Variants in WWOX observed in about 807,000 individuals in gnomAD.
WWOX encodes WW domain-containing oxidoreductase.
Under a neutral mutation model 46.2 loss-of-function variants are expected in WWOX, and 69 were observed. That is an observed-to-expected ratio of 1.49 (90% CI 1.23 to 1.82). The LOEUF (loss-of-function observed/expected upper bound fraction) is 1.82, where lower values mean the gene tolerates loss of function less well. WWOX is among the 40% of genes most tolerant of loss of function. The pLI, the probability that WWOX is intolerant of heterozygous loss-of-function variation, is 0.00. For missense variants in WWOX, 919 were observed against 542.6 expected (o/e 1.69, Z -6.89); for synonymous variants, 359 against 202.6 (o/e 1.77, Z -6.56).
chr16:78,804,599 C>T (rs72801039), intron 8 of WWOX, among the ~76,000 whole-genome samples: 3,786 of 152,282 alleles, frequency 0.025, 67 homozygotes, highest in Middle Eastern at 0.041. Context: ...AGGTCTTACA[C>T]GTAGCTCAAA....
rs796900468 is a variant in WWOX at position 78,344,149 on chromosome 16, A to G, written c.517-42711A>G. The stretch of plus-strand genomic sequence containing the variant: ...AGGTGCGTAATTAGTGTTTCACCAG[A>G]CTGAGCATCATCCTCGGGCAGGTGC... On this transcript the variant is annotated intron_variant, in intron 5 of 8. Transcript: ENST00000566780. Among the ~76,000 whole-genome samples, 11 of 74,480 alleles carry G rather than the reference A, an allele frequency of 1.5e-4. 2 individuals carry two copies. The highest frequency in any genetic ancestry group is 4.4e-4 in the African/African-American group (10 of 22,696). The allele number at this position is 74,480 out of a possible 152,430, so 48.9% of individuals were successfully genotyped here. A position where few individuals can be genotyped will look rare whatever the true frequency, so the allele number is the denominator to read the frequency against.
rs371335113 is a variant in WWOX at position 78,865,858 on chromosome 16, G to A, written c.1057-345750G>A. ...TGCACCACCGCACTCCAGCCTGGGC[G>A]ATGAGTGAAACTCCGTCTCAAAAAA... On this transcript the variant is annotated intron_variant, in intron 8 of 8. Coordinates refer to ENST00000566780, the MANE Select transcript of WWOX (RefSeq NM_016373.4). Among the ~76,000 whole-genome samples, 23 of 152,292 alleles carry A rather than the reference G, an allele frequency of 1.5e-4. 1 individual carries two copies. Among genetic ancestry groups the A allele is most frequent in the African/African-American group, 3.8e-4 (16 of 41,568 alleles).
intron 8 of WWOX, among the ~76,000 whole-genome samples, chr16:78,920,282 C>G (rs1045891848): frequency 6.6e-6 from 1 of 152,192 alleles, no homozygotes; most frequent in African/African-American, 2.4e-5. Context: ...ACACAGTGAC[C>G]TGGTCACTCT....
chr16:78,669,219 C>T (rs1211041634), intron 8 of WWOX, among the ~76,000 whole-genome samples: 2 of 152,290 alleles, frequency 1.3e-5, no homozygotes, highest in East Asian at 3.9e-4. Flanking sequence ...AGGAGAAGCC[C>T]CAAAGAAGCT....
At chr16:78,360,646 TTTA>T (rs1567523983) in intron 5 of WWOX, among the ~76,000 whole-genome samples, 9 of 45,784 alleles carry the variant, frequency 2.0e-4, no homozygotes, top group African/African-American at 2.3e-4. Context: ...TTCTTGTAAT[TTTA>T]GCAGTTTACC....
intron 8 of WWOX, among the ~76,000 whole-genome samples, chr16:78,966,321 AAC>A (rs2046362559): frequency 6.6e-6 from 1 of 152,180 alleles, no homozygotes; most frequent in South Asian, 2.1e-4. Context: ...CCAAATGGAA[AAC>A]AGTGCTTCTT....
chr16:78,424,752 C>G (rs1368201336), intron 6 of WWOX, 118 bp from the exon 7 acceptor site: 1 of 1,136,164 alleles, frequency 8.8e-7, no homozygotes, highest in African/African-American at 1.5e-5. Flanking sequence ...CCCGAAGGAG[C>G]ATGGATTATC....
intron 8 of WWOX, among the ~76,000 whole-genome samples, chr16:78,808,194 C>A (rs113479757): frequency 1.3e-5 from 2 of 152,252 alleles, no homozygotes; most frequent in African/African-American, 4.8e-5. Flanking sequence ...CCTCTTTTAA[C>A]CCCTCTGAAT....
At chr16:78,562,344 G>A (rs1186208587) in intron 8 of WWOX, among the ~76,000 whole-genome samples, 1 of 152,136 alleles carries the variant, frequency 6.6e-6, no homozygotes, top group Non-Finnish European at 1.5e-5. Flanking sequence ...TCTGAATTCC[G>A]CAGTGTTGTG....
At chr16:78,510,447 C>G (rs375250841) in intron 8 of WWOX, among the ~76,000 whole-genome samples, 38 of 152,292 alleles carry the variant, frequency 2.5e-4, no homozygotes, top group African/African-American at 8.7e-4. Context: ...CTCCTGACCT[C>G]AAGTGATCCA....
At chr16:79,060,289 G>A (rs1000714933) in intron 8 of WWOX, among the ~76,000 whole-genome samples, 13 of 152,204 alleles carry the variant, frequency 8.5e-5, no homozygotes, top group African/African-American at 2.9e-4. Flanking sequence ...CAATGCTGTT[G>A]TGCCGGCCAC....
At chr16:78,364,492 C>T (rs1333015437) in intron 5 of WWOX, among the ~76,000 whole-genome samples, 1 of 151,388 alleles carries the variant, frequency 6.6e-6, no homozygotes. Flanking sequence ...ACAGTTATTA[C>T]TTTGTGTCAT....
At chr16:78,878,628 C>T (rs2044280077) in intron 8 of WWOX, among the ~76,000 whole-genome samples, 1 of 152,152 alleles carries the variant, frequency 6.6e-6, no homozygotes. Context: ...AAGAACCTAG[C>T]ACACTGTTTG....
intron 5 of WWOX, among the ~76,000 whole-genome samples, chr16:78,354,176 C>T (rs1597084606): frequency 6.6e-6 from 1 of 152,038 alleles, no homozygotes; most frequent in African/African-American, 2.4e-5. Context: ...TTATCAGTTA[C>T]CTTCTGTTTG....
intron 8 of WWOX, among the ~76,000 whole-genome samples, chr16:78,501,291 A>G (rs2085061741): frequency 6.7e-6 from 1 of 148,658 alleles, no homozygotes; most frequent in South Asian, 2.1e-4. Flanking sequence ...CTTGGTTCAG[A>G]TATCTTTGTT....
intron 5 of WWOX, among the ~76,000 whole-genome samples, chr16:78,372,674 C>T (rs4328452): frequency 0.053 from 8,070 of 152,086 alleles, 283 homozygotes; most frequent in East Asian, 0.12. Flanking sequence ...GTTGAGGCTC[C>T]GTTTTTTTGT....
intron 4 of WWOX, among the ~76,000 whole-genome samples, chr16:78,118,194 C>G (rs566609959): frequency 8.0e-4 from 121 of 151,966 alleles, no homozygotes; most frequent in Non-Finnish European, 1.5e-3. Flanking sequence ...TCTAAGCAAA[C>G]TCTGTCTTGT....
chr16:78,834,626 C>T (rs1168184355), intron 8 of WWOX, among the ~76,000 whole-genome samples: 5 of 152,154 alleles, frequency 3.3e-5, no homozygotes, highest in Admixed American at 6.5e-5. Context: ...CAGATGAAGA[C>T]AGGGTTCCAG....
chr16:78,557,320 C>G (rs761598292), intron 8 of WWOX, among the ~76,000 whole-genome samples: 5 of 152,240 alleles, frequency 3.3e-5, no homozygotes, highest in Middle Eastern at 3.4e-3. Flanking sequence ...TGGGAAAAAC[C>G]AATACCAACT....
Sources: gnomAD v4.1 joint callset for allele counts (sites outside exome capture counted in the v4.1 genomes callset) on GRCh38, gnomAD v4.1.1 for gene constraint, MANE v1.5 for transcripts, NCBI Gene and HGNC (gene_info 2026-07-23, HGNC 2026-07-21) for gene names.